Variants in AHI1 observed in about 807,000 individuals in gnomAD.
AHI1 encodes Abelson helper integration site 1, also known as jouberin.
A neutral mutation model predicts 149.3 loss-of-function variants in AHI1; 123 were observed. The observed-to-expected ratio is 0.82, with a 90% CI of 0.71 to 0.96. AHI1 has a LOEUF of 0.96. AHI1 is among the 40% of genes least tolerant of loss of function. The pLI is 0.00. For missense variants in AHI1, 1,439 were observed against 1,422.7 expected, an observed-to-expected ratio of 1.01 and a Z score of -0.18; for synonymous variants, 475 against 459.8, an observed-to-expected ratio of 1.03 and a Z score of -0.42.
chr6:135,460,797 A>G (rs1789752815), intron 8 of AHI1, among the ~76,000 whole-genome samples: 1 of 152,208 alleles, frequency 6.6e-6, no homozygotes, highest in Non-Finnish European at 1.5e-5. Flanking sequence ...TATTTATGGG[A>G]AAAGTGACAC....
chr6:135,493,795 T>C (rs893405086), intron 3 of AHI1, among the ~76,000 whole-genome samples: 9 of 152,100 alleles, frequency 5.9e-5, no homozygotes, highest in Admixed American at 5.2e-4. Flanking sequence ...GTAATCCCAA[T>C]ACTTGGGAAG....
intron 21 of AHI1, among the ~76,000 whole-genome samples, chr6:135,407,679 A>G (rs1285696922): frequency 6.6e-6 from 1 of 152,214 alleles, no homozygotes; most frequent in Non-Finnish European, 1.5e-5. Context: ...ATAATAAATT[A>G]TCAATTTGCT....
At chr6:135,438,263 C>T (rs1785713626) in intron 15 of AHI1, 112 bp downstream of exon 15, 7 of 1,030,218 alleles carry the variant, frequency 6.8e-6, no homozygotes, top group Non-Finnish European at 1.3e-6. Flanking sequence ...TATGACAGTC[C>T]CTTCTTGGGA....
intron 24 of AHI1, among the ~76,000 whole-genome samples, chr6:135,333,698 C>T (rs1338437591): frequency 1.3e-5 from 2 of 152,114 alleles, no homozygotes; most frequent in African/African-American, 4.8e-5. Context: ...AAAATAATGA[C>T]TAAAGGTGTT....
chr6:135,426,991 C>A (rs1280417804), intron 20 of AHI1, among the ~76,000 whole-genome samples, 176 bp downstream of exon 20: 1 of 151,590 alleles, frequency 6.6e-6, no homozygotes, highest in African/African-American at 2.4e-5. Context: ...TAGGTGAATT[C>A]TATTTACTTA....
At chr6:135,482,894 C>CTTTTTTTCTTTTTTTTTTTT (rs1793905606) in intron 5 of AHI1, among the ~76,000 whole-genome samples, 1 of 55,734 alleles carries the variant, frequency 1.8e-5, no homozygotes, top group African/African-American at 9.3e-5. Context: ...CCATTTAAGG[C>CTTTTTTTCTTTTTTTTTTTT]TTTTTTTTTT....
At chr6:135,428,119 G>C (rs1408493568) in intron 19 of AHI1, among the ~76,000 whole-genome samples, 1 of 151,520 alleles carries the variant, frequency 6.6e-6, no homozygotes, top group Admixed American at 6.6e-5. Context: ...CTTTTGAAAA[G>C]CAAAGGTGAG....
At chr6:135,378,650 A>C (rs751983125) in intron 23 of AHI1, among the ~76,000 whole-genome samples, 26 of 152,214 alleles carry the variant, frequency 1.7e-4, no homozygotes, top group Admixed American at 4.6e-4. Context: ...TTTTAACAAT[A>C]ATGTTATAGA....
At chr6:135,381,241 G>A (rs1347691304) in intron 23 of AHI1, among the ~76,000 whole-genome samples, 1 of 152,056 alleles carries the variant, frequency 6.6e-6, no homozygotes, top group African/African-American at 2.4e-5. Context: ...CTGATTCTAA[G>A]TTGGCCAAAA....
intron 20 of AHI1, among the ~76,000 whole-genome samples, chr6:135,423,929 T>A (rs996659085): frequency 1.3e-5 from 2 of 151,828 alleles, no homozygotes; most frequent in Non-Finnish European, 2.9e-5. Context: ...CTCCACTGAC[T>A]TGACTCCACT....
chr6:135,427,261 A>G lies in AHI1; in HGVS notation c.2670T>C (p.Ile890=). 1 of 1,610,578 alleles carries G rather than the reference A, an allele frequency of 6.2e-7. No homozygotes were observed. Among genetic ancestry groups the G allele is most frequent in the Non-Finnish European group, 8.5e-7 (1 of 1,177,722 alleles). ...CAAATGGATGATAAGAAATGTCTCG[A>G]ATGGGTGACTTGAATGGCAAGTCAG... ...MYSDLPFKSP[I]RDISYHPFEN... Residue 890 remains isoleucine (I), a synonymous_variant, in exon 20 of 29, where the codon ATT becomes ATC. Coordinates refer to ENST00000265602, the MANE Select transcript of AHI1 (RefSeq NM_001134831.2).
In AHI1 at chr6:135,428,609, A is replaced by G; in HGVS notation, c.2623+20T>C. On this transcript the variant is annotated intron_variant, in intron 19 of 28. Coordinates refer to ENST00000265602, the MANE Select transcript of AHI1 (RefSeq NM_001134831.2). ...CCCTGTACCTCCCCAAATGATTTTT[A>G]AAGTTCAATAAACATTCACCTGTTT... is the stretch of plus-strand genomic sequence containing the variant. 6.3e-7 allele frequency: 1 copy of G among 1,587,256 alleles called. No homozygotes were observed. The highest frequency in any genetic ancestry group is 8.6e-7 in the Non-Finnish European group (1 of 1,166,722).
rs759184739 is a variant in AHI1 at position 135,431,262 on chromosome 6, G to A, written c.2319C>T (p.Thr773=). ...DCTGVIVVWN[T]YVKINDLEHS... is the part of the protein sequence containing the mutation. ...GTTCCAAATCATTAATCTTGACATA[G>A]GTATTCCAAACAACAATCACCCCTG... is the stretch of plus-strand genomic sequence containing the variant. Residue 773 remains threonine, a synonymous_variant, in exon 17 of 29, where the codon ACC becomes ACT. Coordinates refer to ENST00000265602, the MANE Select transcript of AHI1 (RefSeq NM_001134831.2). 5.0e-6 allele frequency: 8 copies of A among 1,608,916 alleles called. No homozygotes were observed. Among genetic ancestry groups the A allele is most frequent in the African/African-American group, 1.3e-5 (1 of 74,712 alleles).
chr6:135,464,521 G>A (rs1221111914), intron 7 of AHI1, among the ~76,000 whole-genome samples: 1 of 152,086 alleles, frequency 6.6e-6, no homozygotes, highest in Non-Finnish European at 1.5e-5. Context: ...CTGGACTAGT[G>A]ACTTACTTCT....
intron 24 of AHI1, among the ~76,000 whole-genome samples, chr6:135,334,600 C>T (rs886245564): frequency 2.6e-5 from 4 of 152,106 alleles, no homozygotes; most frequent in African/African-American, 4.8e-5. Flanking sequence ...AAGAAATAAT[C>T]GGTATTACAT....
chr6:135,339,079 C>G (rs531868593), intron 24 of AHI1, among the ~76,000 whole-genome samples: 1 of 152,252 alleles, frequency 6.6e-6, no homozygotes, highest in East Asian at 1.9e-4. Context: ...AGATGCCCAC[C>G]ACCATGTCCC....
Position 135,445,072 on chromosome 6 carries a change from G to C in AHI1, c.1779+1936C>G, listed in dbSNP as rs552228938. ...CCCACCTAACTTGGAAGTTCCCCAA[G>C]GGCATAATCTAAGTGTTATTCTCTC... On this transcript the variant is annotated intron_variant, in intron 13 of 28. Transcript: ENST00000265602. Among the ~76,000 whole-genome samples the C allele has an allele frequency of 5.2e-4, 79 of 152,266 alleles. 1 individual carries two copies. Among genetic ancestry groups the C allele is most frequent in the African/African-American group, 1.8e-3 (73 of 41,530 alleles).
chr6:135,313,622 T>C (rs375750050), intron 26 of AHI1, among the ~76,000 whole-genome samples: 1 of 152,168 alleles, frequency 6.6e-6, no homozygotes, highest in Non-Finnish European at 1.5e-5. Context: ...GCAAAAGTCA[T>C]AGGAAATTTG....
intron 23 of AHI1, among the ~76,000 whole-genome samples, chr6:135,365,073 A>G (rs1020182584): frequency 2.6e-5 from 4 of 152,208 alleles, no homozygotes; most frequent in African/African-American, 4.8e-5. Flanking sequence ...TTTGTTGAAC[A>G]GGGTGTCCTT....
Sources: gnomAD v4.1 joint callset for allele counts (sites outside exome capture counted in the v4.1 genomes callset) on GRCh38, gnomAD v4.1.1 for gene constraint, MANE v1.5 for transcripts, NCBI Gene and HGNC (gene_info 2026-07-23, HGNC 2026-07-21) for gene names.